CAMTA1: variants seen among roughly 807,000 people sequenced by gnomAD.
The protein encoded by CAMTA1 is calmodulin binding transcription activator 1, also known as calmodulin-binding transcription activator 1.
CAMTA1 carries 27 observed loss-of-function variants against 170.9 expected under a neutral mutation model. The ratio of observed to expected loss-of-function variants is 0.16; its 90% CI spans 0.12 to 0.22. CAMTA1 has a LOEUF of 0.22. Ranked by LOEUF, CAMTA1 falls within the 10% of genes least tolerant of loss-of-function variation. The pLI is 1.00. For missense variants in CAMTA1, 1,619 were observed against 2,217.2 expected, an observed-to-expected ratio of 0.73 and a Z score of 5.42; for synonymous variants, 833 against 891.5, an observed-to-expected ratio of 0.93 and a Z score of 1.17.
intron 6 of CAMTA1, among the ~76,000 whole-genome samples, chr1:7,478,740 C>G (rs1304776403): frequency 6.6e-6 from 1 of 152,170 alleles, no homozygotes; most frequent in African/African-American, 2.4e-5. Context: ...TTCCTGCCCC[C>G]TCTAAGAACA....
At chr1:7,479,487 A>G (rs1400074432) in intron 6 of CAMTA1, among the ~76,000 whole-genome samples, 2 of 152,162 alleles carry the variant, frequency 1.3e-5, no homozygotes, top group East Asian at 1.9e-4. Flanking sequence ...TTTTCCAGAC[A>G]TGCCAGGGTC....
intron 6 of CAMTA1, among the ~76,000 whole-genome samples, chr1:7,605,389 G>A (rs1010371287): frequency 7.2e-5 from 11 of 152,306 alleles, no homozygotes; most frequent in South Asian, 2.1e-4. Flanking sequence ...AATGGCAGGC[G>A]CCCCTCCCCA....
At chr1:7,321,535 C>A (rs1440539056) in intron 5 of CAMTA1, among the ~76,000 whole-genome samples, 1 of 152,192 alleles carries the variant, frequency 6.6e-6, no homozygotes, top group African/African-American at 2.4e-5. Context: ...ATGCTCATCC[C>A]CAGGTATTCT....
At chr1:6,999,498 C>G (rs981061927) in intron 3 of CAMTA1, among the ~76,000 whole-genome samples, 4 of 152,190 alleles carry the variant, frequency 2.6e-5, no homozygotes, top group African/African-American at 9.7e-5. Context: ...ATCCTCCTAT[C>G]TCAGTCTCCC....
At chr1:6,880,390 T>TG (rs1381525281) in intron 3 of CAMTA1, among the ~76,000 whole-genome samples, 1 of 144,598 alleles carries the variant, frequency 6.9e-6, no homozygotes, top group East Asian at 2.0e-4. Flanking sequence ...AGTGTTTTTT[T>TG]TTTTTTTTTT....
intron 5 of CAMTA1, among the ~76,000 whole-genome samples, chr1:7,330,220 C>A (rs2082940588): frequency 6.6e-6 from 1 of 152,174 alleles, no homozygotes; most frequent in South Asian, 2.1e-4. Context: ...CACAGAGCAA[C>A]TTACAGAGGT....
At chr1:7,468,618 A>G (rs1045910334) in intron 6 of CAMTA1, among the ~76,000 whole-genome samples, 1 of 152,210 alleles carries the variant, frequency 6.6e-6, no homozygotes, top group Admixed American at 6.5e-5. Flanking sequence ...CGGACTAGAC[A>G]TAGGTCCTTT....
chr1:7,344,148 G>A (rs548413469), intron 5 of CAMTA1, among the ~76,000 whole-genome samples: 157 of 152,344 alleles, frequency 1.0e-3, no homozygotes, highest in African/African-American at 3.8e-3. Flanking sequence ...ACCACACTCG[G>A]GACCTGAGAT....
intron 7 of CAMTA1, among the ~76,000 whole-genome samples, chr1:7,660,268 T>C (rs2095943547): frequency 6.6e-6 from 1 of 152,242 alleles, no homozygotes; most frequent in Non-Finnish European, 1.5e-5. Context: ...GGTTTCACCA[T>C]GTTGGTCAGG....
At chr1:7,567,161 G>C (rs1349971447) in intron 6 of CAMTA1, among the ~76,000 whole-genome samples, 1 of 152,228 alleles carries the variant, frequency 6.6e-6, no homozygotes, top group Non-Finnish European at 1.5e-5. Context: ...AAGGCACTCT[G>C]AGGAGGCAGC....
In CAMTA1 at chr1:7,042,632, C is replaced by T. The variant is rs1057267796; in HGVS notation, c.235-48672C>T. Reference sequence around the variant, plus strand: ...TGGTCGGGGGAGGGGGAGCAGCAGCCGAGATGCCGCCCCAGGTTGGAGCGC... The same window carrying T: ...TGGTCGGGGGAGGGGGAGCAGCAGCTGAGATGCCGCCCCAGGTTGGAGCGC... On this transcript the variant is annotated intron_variant, in intron 3 of 22. Coordinates refer to ENST00000303635, the MANE Select transcript of CAMTA1 (RefSeq NM_015215.4). 1.6e-4 allele frequency among the ~76,000 whole-genome samples: 24 copies of T among 152,190 alleles called. 1 individual carries two copies. The highest frequency in any genetic ancestry group is 5.8e-4 in the East Asian group (3 of 5,188).
chr1:7,135,359 G>C (rs1645483032), intron 4 of CAMTA1, among the ~76,000 whole-genome samples: 1 of 152,286 alleles, frequency 6.6e-6, no homozygotes, highest in Admixed American at 6.5e-5. Flanking sequence ...CTGCACTCCA[G>C]CCTGGGCAAC....
chr1:7,590,185 G>A (rs2150475088), intron 6 of CAMTA1, among the ~76,000 whole-genome samples: 1 of 152,292 alleles, frequency 6.6e-6, no homozygotes, highest in Admixed American at 6.5e-5. Flanking sequence ...CCCCAACACG[G>A]CCCTCACAAT....
chr1:7,654,735 A>T (rs903244876), intron 7 of CAMTA1, among the ~76,000 whole-genome samples: 1 of 122,708 alleles, frequency 8.1e-6, no homozygotes, highest in African/African-American at 3.0e-5. Context: ...ACACACCCAC[A>T]CACCTATACA....
intron 4 of CAMTA1, among the ~76,000 whole-genome samples, chr1:7,122,207 G>T (rs1644685026): frequency 3.3e-5 from 5 of 151,942 alleles, no homozygotes; most frequent in Admixed American, 3.3e-4. Flanking sequence ...TCTTTTAGAA[G>T]CATATTAACC....
rs966129064 is a variant in CAMTA1, at chr1:7,320,363, G to T, written c.438+70737G>T. On this transcript the variant is annotated intron_variant, in intron 5 of 22. Transcript: ENST00000303635. ...TTCCGTATGAATGAAAATGTTTTCT[G>T]ATTGAAATAGAAGAGATCACAGTCA... Among the ~76,000 whole-genome samples the T allele has an allele frequency of 2.0e-5, 3 of 152,154 alleles. 1 individual carries two copies. Among genetic ancestry groups the T allele is most frequent in the Non-Finnish European group, 4.4e-5 (3 of 68,038 alleles).
At chr1:6,897,385 G>A (rs914339300) in intron 3 of CAMTA1, among the ~76,000 whole-genome samples, 20 of 152,278 alleles carry the variant, frequency 1.3e-4, no homozygotes, top group African/African-American at 4.6e-4. Flanking sequence ...TGTGGGGCGG[G>A]GAGTAGTGTT....
chr1:7,138,891 A>G (rs1479013191), intron 4 of CAMTA1, among the ~76,000 whole-genome samples: 1 of 151,622 alleles, frequency 6.6e-6, no homozygotes, highest in African/African-American at 2.4e-5. Flanking sequence ...GCTACTCAGT[A>G]GGCTGAGGCA....
intron 6 of CAMTA1, among the ~76,000 whole-genome samples, chr1:7,481,203 T>G (rs1410928162): frequency 6.6e-6 from 1 of 152,156 alleles, no homozygotes; most frequent in Non-Finnish European, 1.5e-5. Flanking sequence ...GGCAGCCACT[T>G]AAATCCCAAA....
Sources: allele counts gnomAD v4.1 joint callset (sites outside exome capture counted in the v4.1 genomes callset), GRCh38; gene constraint gnomAD v4.1.1; transcripts MANE v1.5; gene names NCBI Gene and HGNC (gene_info 2026-07-23, HGNC 2026-07-21).